GUCY1A2: variants seen among roughly 807,000 people sequenced by gnomAD.
The protein encoded by GUCY1A2 is guanylate cyclase soluble subunit alpha-2.
GUCY1A2 carries 27 observed loss-of-function variants against 63.5 expected under a neutral mutation model. That is an observed-to-expected ratio of 0.43 (90% CI 0.31 to 0.59). GUCY1A2 has a LOEUF of 0.59. Ranked by LOEUF, GUCY1A2 falls within the 20% of genes least tolerant of loss-of-function variation. The pLI is 0.11. For synonymous variants in GUCY1A2, 364 were observed against 343.5 expected (o/e 1.06, Z -0.66); for missense variants, 768 against 913.3 (o/e 0.84, Z 2.05).
intron 4 of GUCY1A2, among the ~76,000 whole-genome samples, chr11:106,847,208 T>C (rs1244864612): frequency 7.0e-6 from 1 of 143,718 alleles, no homozygotes; most frequent in African/African-American, 2.5e-5. Context: ...GATACACATT[T>C]GTTATAGTGA....
intron 5 of GUCY1A2, among the ~76,000 whole-genome samples, chr11:106,787,708 A>T (rs370222786): frequency 5.0e-4 from 76 of 150,960 alleles, no homozygotes; most frequent in Middle Eastern, 3.4e-3. Flanking sequence ...ATCGCAAATG[A>T]CAGGATCTCA....
chr11:106,698,625 A>G (rs1862764742), intron 7 of GUCY1A2, among the ~76,000 whole-genome samples: 1 of 152,150 alleles, frequency 6.6e-6, no homozygotes, highest in Non-Finnish European at 1.5e-5. Context: ...AAAACTAAGA[A>G]ATTAACAATG....
At chr11:106,997,617 A>AACCC (rs1861556400) in intron 1 of GUCY1A2, among the ~76,000 whole-genome samples, 3 of 119,766 alleles carry the variant, frequency 2.5e-5, no homozygotes, top group Non-Finnish European at 3.4e-5. Flanking sequence ...AAGATAGGGA[A>AACCC]CCCCCCCCCC....
intron 4 of GUCY1A2, among the ~76,000 whole-genome samples, chr11:106,853,944 G>T (rs894672472): frequency 6.6e-6 from 1 of 152,218 alleles, no homozygotes; most frequent in Non-Finnish European, 1.5e-5. Flanking sequence ...AGTGACACTG[G>T]CTGCAGTTGT....
intron 4 of GUCY1A2, among the ~76,000 whole-genome samples, chr11:106,892,833 C>G (rs1859992898): frequency 6.6e-6 from 1 of 152,058 alleles, no homozygotes; most frequent in South Asian, 2.1e-4. Context: ...ATTCAGCAAA[C>G]TTGGTTAAAG....
At chr11:107,017,594 C>G (rs990984984) in intron 1 of GUCY1A2, among the ~76,000 whole-genome samples, 159 bp downstream of exon 1, 2 of 149,994 alleles carry the variant, frequency 1.3e-5, no homozygotes, top group African/African-American at 5.1e-5. Context: ...AGGGGATCCT[C>G]TGTCGCCGGA....
intron 2 of GUCY1A2, among the ~76,000 whole-genome samples, chr11:106,980,717 T>C (rs1180827564): frequency 6.6e-6 from 1 of 152,200 alleles, no homozygotes; most frequent in East Asian, 1.9e-4. Flanking sequence ...CCTAGCATGC[T>C]TGATGTGAGT....
At chr11:106,847,292 TTATA>T (rs72324488) in intron 4 of GUCY1A2, among the ~76,000 whole-genome samples, 34,096 of 149,170 alleles carry the variant, frequency 0.23, 4,063 homozygotes, top group Non-Finnish European at 0.26. Context: ...TTGTTTCTGC[TTATA>T]TATATACTCA....
At chr11:106,971,060 G>C (rs1861187103) in intron 3 of GUCY1A2, among the ~76,000 whole-genome samples, 1 of 152,116 alleles carries the variant, frequency 6.6e-6, no homozygotes, top group Non-Finnish European at 1.5e-5. Context: ...CAGGGATTTG[G>C]AGGTGACATG....
chr11:106,870,255 A>T (rs1177844452), intron 4 of GUCY1A2, among the ~76,000 whole-genome samples: 10 of 151,640 alleles, frequency 6.6e-5, no homozygotes, highest in Non-Finnish European at 1.2e-4. Flanking sequence ...AAAGTATAAT[A>T]AAAAAAATAT....
intron 5 of GUCY1A2, among the ~76,000 whole-genome samples, chr11:106,809,103 A>G (rs1045165339): frequency 1.3e-5 from 2 of 152,164 alleles, no homozygotes; most frequent in Non-Finnish European, 2.9e-5. Flanking sequence ...AAATTTACAA[A>G]GTGAATCAGA....
chr11:106,870,901 C>T (rs1330698462), intron 4 of GUCY1A2, among the ~76,000 whole-genome samples: 1 of 152,096 alleles, frequency 6.6e-6, no homozygotes, highest in Non-Finnish European at 1.5e-5. Flanking sequence ...CAGGTTTCTT[C>T]CCCCTATTCT....
intron 4 of GUCY1A2, among the ~76,000 whole-genome samples, chr11:106,921,451 TA>T (rs963979943): frequency 2.0e-5 from 3 of 151,554 alleles, no homozygotes; most frequent in Admixed American, 6.6e-5. Context: ...AATTCTAGTT[TA>T]AAAAAAAACT....
At position 106,933,758 on chromosome 11, in the gene GUCY1A2, C is replaced by T. The variant is rs183761130; in HGVS notation, c.1206+5702G>A. Among the ~76,000 whole-genome samples the T allele has an allele frequency of 2.6e-3, 391 of 152,098 alleles. 2 individuals carry two copies. The highest frequency in any genetic ancestry group is 0.014 in the Middle Eastern group (4 of 294). ...TACATATATATCATGGAATATTGTG[C>T]AACCATTAAAAAGAACACATAGCTG... On this transcript the variant is annotated intron_variant, in intron 4 of 7. Coordinates refer to ENST00000526355, the MANE Select transcript of GUCY1A2 (RefSeq NM_000855.3).
chr11:106,849,179 G>A (rs190433902), intron 4 of GUCY1A2, among the ~76,000 whole-genome samples: 306 of 151,550 alleles, frequency 2.0e-3, no homozygotes, highest in African/African-American at 6.8e-3. Flanking sequence ...CTTCTCTCTG[G>A]TGTAGAGACT....
chr11:106,761,515 C>G (rs1312419449), intron 6 of GUCY1A2, among the ~76,000 whole-genome samples: 1 of 152,160 alleles, frequency 6.6e-6, no homozygotes, highest in Admixed American at 6.5e-5. Context: ...ACATTTGGCT[C>G]TAGAATCTGG....
intron 3 of GUCY1A2, among the ~76,000 whole-genome samples, chr11:106,951,405 T>C (rs529250762): frequency 9.2e-5 from 14 of 152,350 alleles, no homozygotes; most frequent in Admixed American, 3.9e-4. Context: ...CAGCATCTAC[T>C]ATTCCCTGAC....
chr11:106,865,836 G>A (rs1859584946), intron 4 of GUCY1A2, among the ~76,000 whole-genome samples: 1 of 151,254 alleles, frequency 6.6e-6, no homozygotes, highest in Admixed American at 6.6e-5. Context: ...TCCCAGACTT[G>A]AATTCTTTCT....
chr11:107,017,186 T>C (rs139876922), intron 1 of GUCY1A2, among the ~76,000 whole-genome samples: 17 of 152,260 alleles, frequency 1.1e-4, no homozygotes, highest in Admixed American at 2.6e-4. Flanking sequence ...CTCAGAAAAG[T>C]ATCTGGCAAA....
Sources: allele counts gnomAD v4.1 joint callset (sites outside exome capture counted in the v4.1 genomes callset), GRCh38; gene constraint gnomAD v4.1.1; transcripts MANE v1.5; gene names NCBI Gene and HGNC (gene_info 2026-07-23, HGNC 2026-07-21).